The following C10orf90 variants were observed in gnomAD, a reference collection of about 807,000 sequenced individuals.
The protein encoded by C10orf90 is chromosome 10 open reading frame 90, also known as (E2-independent) E3 ubiquitin-conjugating enzyme FATS.
In C10orf90, 56 loss-of-function variants were observed where a neutral mutation model predicts 62.5. The ratio of observed to expected loss-of-function variants is 0.90; its 90% CI spans 0.72 to 1.12. The LOEUF is 1.12. Ranked by LOEUF, C10orf90 falls within the 50% of genes most tolerant of loss-of-function variation. C10orf90 has a pLI of 0.00. For missense variants in C10orf90, 970 were observed against 880.4 expected, an observed-to-expected ratio of 1.10 and a Z score of -1.29; for synonymous variants, 386 against 340.4, an observed-to-expected ratio of 1.13 and a Z score of -1.47.
intron 7 of C10orf90, among the ~76,000 whole-genome samples, chr10:126,434,890 G>A (rs1857820488): frequency 6.6e-6 from 1 of 152,308 alleles, no homozygotes; most frequent in South Asian, 2.1e-4. Context: ...CAATAGGAGA[G>A]TGGTCTATCT....
intron 4 of C10orf90, among the ~76,000 whole-genome samples, chr10:126,490,083 A>AATAT (rs1861675968): frequency 8.9e-6 from 1 of 112,622 alleles, no homozygotes; most frequent in East Asian, 2.3e-4. Flanking sequence ...ATAATATAAT[A>AATAT]ATAATATATA....
intron 2 of C10orf90, among the ~76,000 whole-genome samples, chr10:126,555,633 C>T (rs186197035): frequency 5.3e-5 from 8 of 151,332 alleles, no homozygotes; most frequent in East Asian, 3.9e-4. Flanking sequence ...GAGCTGAGAT[C>T]GCACCACTGC....
chr10:126,493,587 C>T (rs1294868340), intron 4 of C10orf90, among the ~76,000 whole-genome samples: 1 of 96,898 alleles, frequency 1.0e-5, no homozygotes, highest in East Asian at 2.9e-4. Flanking sequence ...GAACTTCTGA[C>T]CGCAGGTGAT....
intron 1 of C10orf90, among the ~76,000 whole-genome samples, chr10:126,652,530 G>A (rs570339627): frequency 1.6e-4 from 25 of 152,258 alleles, no homozygotes; most frequent in African/African-American, 5.8e-4. Flanking sequence ...TCTGCTCTTG[G>A]AGGTGCATGG....
intron 2 of C10orf90, among the ~76,000 whole-genome samples, chr10:126,603,006 A>C (rs931383031): frequency 2.0e-5 from 3 of 151,764 alleles, no homozygotes; most frequent in Non-Finnish European, 1.5e-5. Context: ...AGACAGACAG[A>C]GGGAAGCAGA....
intron 7 of C10orf90, among the ~76,000 whole-genome samples, chr10:126,443,859 A>G (rs1375298090): frequency 6.6e-6 from 1 of 152,126 alleles, no homozygotes; most frequent in East Asian, 1.9e-4. Context: ...GGATGCAGGG[A>G]TGGTTTAACA....
chr10:126,501,294 G>A (rs1055480924), intron 4 of C10orf90, among the ~76,000 whole-genome samples: 2 of 152,162 alleles, frequency 1.3e-5, no homozygotes, highest in Non-Finnish European at 2.9e-5. Context: ...TAAATTTCAG[G>A]CCAGAATTCT....
chr10:126,663,540 A>T (rs946875591), intron 1 of C10orf90, among the ~76,000 whole-genome samples: 2 of 152,156 alleles, frequency 1.3e-5, no homozygotes, highest in Non-Finnish European at 2.9e-5. Flanking sequence ...TCAGGAAATC[A>T]GCTGACACCC....
At chr10:126,532,701 G>T (rs1207257563) in intron 2 of C10orf90, among the ~76,000 whole-genome samples, 4 of 150,524 alleles carry the variant, frequency 2.7e-5, no homozygotes. Context: ...GCCGGGCATG[G>T]TGGCGGGTGC....
intron 1 of C10orf90, among the ~76,000 whole-genome samples, chr10:126,659,079 T>C (rs1398974530): frequency 2.0e-5 from 3 of 152,224 alleles, no homozygotes; most frequent in Admixed American, 1.3e-4. Context: ...AGAGCTTTCC[T>C]ACTTCCAATC....
chr10:126,596,930 C>A (rs557235274), intron 2 of C10orf90, among the ~76,000 whole-genome samples: 17 of 152,174 alleles, frequency 1.1e-4, no homozygotes, highest in Non-Finnish European at 1.0e-4. Context: ...ATACAAATGA[C>A]AAATAGGCAC....
chr10:126,520,922 C>T (rs1865904), intron 2 of C10orf90: 150,202 of 169,558 alleles, frequency 0.89, 66,743 homozygotes, highest in African/African-American at 0.96. Flanking sequence ...AAGCCCCACC[C>T]TACTCCAGTG....
chr10:126,546,662 C>T lies in C10orf90; in HGVS notation c.314-32723G>A, dbSNP rs77488645. ...GCCCAGCAGCAATGAGGATTTCCCC[C>T]CTCTTGGGTGTCAACTGAAGCCTAG... On this transcript the variant is annotated intron_variant, in intron 2 of 9. Transcript: ENST00000488181. Among the ~76,000 whole-genome samples the T allele has an allele frequency of 3.3e-5, 5 of 152,202 alleles. No homozygotes were observed. The East Asian group carries it at 9.7e-4, about 29-fold the overall frequency.
intron 3 of C10orf90, among the ~76,000 whole-genome samples, chr10:126,508,883 T>C (rs1179420200): frequency 1.3e-5 from 2 of 152,128 alleles, no homozygotes; most frequent in African/African-American, 4.8e-5. Flanking sequence ...ACGAGGGGTG[T>C]GTTGCTGGGA....
chr10:126,450,048 A>G (rs1337820448), intron 7 of C10orf90, among the ~76,000 whole-genome samples: 2 of 152,270 alleles, frequency 1.3e-5, no homozygotes, highest in Non-Finnish European at 1.5e-5. Context: ...AACTATATGA[A>G]AAAGAAATCA....
intron 1 of C10orf90, among the ~76,000 whole-genome samples, chr10:126,663,371 C>A (rs1846556420): frequency 6.6e-6 from 1 of 151,726 alleles, no homozygotes. Context: ...GAAGTATAAT[C>A]TGCAGAAGAA....
chr10:126,665,413 A>G (rs1591185643), intron 1 of C10orf90, among the ~76,000 whole-genome samples: 1 of 152,190 alleles, frequency 6.6e-6, no homozygotes, highest in East Asian at 1.9e-4. Context: ...TATTTCCTGA[A>G]TCAAGTTCTC....
At chr10:126,556,674 G>A (rs903017033) in intron 2 of C10orf90, among the ~76,000 whole-genome samples, 7 of 152,106 alleles carry the variant, frequency 4.6e-5, no homozygotes, top group Non-Finnish European at 1.0e-4. Context: ...TAAGGGACAA[G>A]GTAATCGTCA....
chr10:126,561,781 G>A (rs1016114504), intron 2 of C10orf90, among the ~76,000 whole-genome samples: 4 of 152,094 alleles, frequency 2.6e-5, no homozygotes, highest in Non-Finnish European at 5.9e-5. Context: ...TGACACAGAG[G>A]GAGCAGGCCC....
Sources: gnomAD v4.1 joint callset for allele counts (sites outside exome capture counted in the v4.1 genomes callset) on GRCh38, gnomAD v4.1.1 for gene constraint, MANE v1.5 for transcripts, NCBI Gene and HGNC (gene_info 2026-07-23, HGNC 2026-07-21) for gene names.